CEP97: variants seen among roughly 807,000 people sequenced by gnomAD.
The protein encoded by CEP97 is centrosomal protein 97.
CEP97 carries 43 observed loss-of-function variants against 73.1 expected under a neutral mutation model. That is an observed-to-expected ratio of 0.59 (90% CI 0.46 to 0.76). CEP97 has a LOEUF of 0.76. CEP97 is among the 30% of genes least tolerant of loss of function. The pLI, the probability that CEP97 is intolerant of heterozygous loss-of-function variation, is 0.00. For missense variants in CEP97, 939 were observed against 1,014.0 expected, an observed-to-expected ratio of 0.93 and a Z score of 1.00; for synonymous variants, 337 against 370.0, an observed-to-expected ratio of 0.91 and a Z score of 1.02.
chr3:101,751,360 G>A (rs938049050), intron 6 of CEP97, among the ~76,000 whole-genome samples: 7 of 152,164 alleles, frequency 4.6e-5, no homozygotes, highest in Admixed American at 2.0e-4. Flanking sequence ...GAATAGGTGT[G>A]GTGTGGTGCT....
At chr3:101,746,744 C>G (rs1375600632) in intron 6 of CEP97, among the ~76,000 whole-genome samples, 1 of 152,128 alleles carries the variant, frequency 6.6e-6, no homozygotes, top group African/African-American at 2.4e-5. Flanking sequence ...AACAGGCAAC[C>G]TACAAAATGG....
chr3:101,760,898 T>C lies in CEP97; in HGVS notation c.1818-1587T>C, dbSNP rs186690044. Reference sequence around the variant, plus strand: ...TTTTTTTGAGATGGAGTCTTGCTCTTGTCACCCAGGCTGGAGTGCAATGGT... The same window carrying C: ...TTTTTTTGAGATGGAGTCTTGCTCTCGTCACCCAGGCTGGAGTGCAATGGT... On this transcript the variant is annotated intron_variant, in intron 9 of 10. Coordinates refer to ENST00000341893, the MANE Select transcript of CEP97 (RefSeq NM_024548.4). Among the ~76,000 whole-genome samples, 18 of 152,168 alleles carry C rather than the reference T, an allele frequency of 1.2e-4. 1 individual carries two copies. The East Asian group carries it at 3.5e-3, about 29-fold the overall frequency.
At chr3:101,746,548 A>C (rs1364272731) in intron 6 of CEP97, among the ~76,000 whole-genome samples, 1 of 150,636 alleles carries the variant, frequency 6.6e-6, no homozygotes, top group Non-Finnish European at 1.5e-5. Context: ...TAAAGACTTA[A>C]ACGTTAGACC....
rs1339786910 is a variant in CEP97, at chr3:101,766,908, A to C, written c.*1357A>C. 4 of 152,136 alleles carry C rather than the reference A, an allele frequency of 2.6e-5. No individual in the cohort carries two copies. Among genetic ancestry groups the C allele is most frequent in the African/African-American group, 9.7e-5 (4 of 41,420 alleles). The allele number at this position is 152,136 out of a possible 1,614,324, so 9.4% of individuals were successfully genotyped here. A position where few individuals can be genotyped will look rare whatever the true frequency, so the allele number is the denominator to read the frequency against. Reference sequence around the variant, plus strand: ...AAAAGCATCTGATCCTTCAAGGATAAAGTTGAGGATCACATGGTACGTGGC... The same window carrying C: ...AAAAGCATCTGATCCTTCAAGGATACAGTTGAGGATCACATGGTACGTGGC... On this transcript the variant is annotated 3_prime_UTR_variant, in exon 11 of 11. Transcript: ENST00000341893.
intron 6 of CEP97, among the ~76,000 whole-genome samples, chr3:101,753,365 T>C (rs1189634076): frequency 1.3e-5 from 2 of 152,234 alleles, no homozygotes; most frequent in Non-Finnish European, 2.9e-5. Flanking sequence ...AGGGACCCAC[T>C]TGAGGAGGCA....
At chr3:101,726,379 C>T (rs1937889034) in intron 1 of CEP97, among the ~76,000 whole-genome samples, 1 of 152,156 alleles carries the variant, frequency 6.6e-6, no homozygotes, top group Admixed American at 6.5e-5. Flanking sequence ...TATCACACGT[C>T]TAGTTTTAAT....
At position 101,765,655 on chromosome 3, in the gene CEP97, A is replaced by C. The variant is rs1939299729; in HGVS notation, c.*104A>C. On this transcript the variant is annotated 3_prime_UTR_variant, in exon 11 of 11. Coordinates refer to ENST00000341893, the MANE Select transcript of CEP97 (RefSeq NM_024548.4). The stretch of plus-strand genomic sequence containing the variant: ...AATACTCCCTACCCCTAATTTTGTT[A>C]CTACTTATATAGAATTTGTATTCAT... 1.2e-6 allele frequency: 1 copy of C among 818,462 alleles called. No homozygotes were observed. Among genetic ancestry groups the C allele is most frequent in the African/African-American group, 1.7e-5 (1 of 57,600 alleles). The allele number at this position is 818,462 out of a possible 1,614,324, so 50.7% of individuals were successfully genotyped here.
At chr3:101,749,706 A>T (rs1350164734) in intron 6 of CEP97, among the ~76,000 whole-genome samples, 2 of 147,266 alleles carry the variant, frequency 1.4e-5, no homozygotes. Context: ...GTGAGGTGGT[A>T]TCTCATTGTG....
At chr3:101,743,623 T>C (rs992370875) in intron 6 of CEP97, among the ~76,000 whole-genome samples, 5 of 152,162 alleles carry the variant, frequency 3.3e-5, no homozygotes, top group African/African-American at 1.2e-4. Context: ...CTTGAATTCC[T>C]GGGCTAGAGC....
At chr3:101,736,482 G>A (rs1053507431) in intron 6 of CEP97, among the ~76,000 whole-genome samples, 7 of 152,334 alleles carry the variant, frequency 4.6e-5, no homozygotes, top group African/African-American at 1.7e-4. Flanking sequence ...GCCCCTCTAG[G>A]ATGAAGCTTC....
At chr3:101,725,191 T>C (rs1198297037) in intron 1 of CEP97, among the ~76,000 whole-genome samples, 1 of 152,174 alleles carries the variant, frequency 6.6e-6, no homozygotes, top group Admixed American at 6.5e-5. Flanking sequence ...AGGTGGCCAG[T>C]GGCCGTGATA....
rs1307784418 is a variant in CEP97, at chr3:101,732,557, A to G, written c.631A>G (p.Thr211Ala). Residue 211 changes from threonine to alanine, a missense_variant, in exon 6 of 11, where the codon ACA (threonine) becomes GCA (alanine). Thr to Ala is a moderately conservative substitution (Grantham distance 58, BLOSUM62 0). Transcript: ENST00000341893. The stretch of plus-strand genomic sequence containing the variant: ...TATGAACAATCCTTGTGTGATGGCA[A>G]CACCATCCATCCCAGGATTTGACTA... ...SIMNNPCVMATPSIPGFDYRP... is the reference protein window; with the variant it reads ...SIMNNPCVMAAPSIPGFDYRP... The G allele has an allele frequency of 6.2e-7, 1 of 1,613,436 alleles. No homozygotes were observed. Among genetic ancestry groups the G allele is most frequent in the South Asian group, 1.1e-5 (1 of 91,064 alleles).
chr3:101,740,342 A>G (rs1938410623), intron 6 of CEP97, among the ~76,000 whole-genome samples: 1 of 152,182 alleles, frequency 6.6e-6, no homozygotes. Flanking sequence ...AGAGAGCCTA[A>G]TCATGAGTGA....
intron 6 of CEP97, among the ~76,000 whole-genome samples, chr3:101,754,217 T>C (rs1211123410): frequency 6.6e-6 from 1 of 151,868 alleles, no homozygotes; most frequent in Admixed American, 6.6e-5. Flanking sequence ...TCACTCACTC[T>C]CCCTTCTTCT....
Position 101,766,217 on chromosome 3 carries a change from A to G in CEP97, c.*666A>G, listed in dbSNP as rs1939314905. On this transcript the variant is annotated 3_prime_UTR_variant, in exon 11 of 11. Transcript: ENST00000341893. The stretch of plus-strand genomic sequence containing the variant: ...TTTAACATATGAAGTAAAGTGTTCT[A>G]TCCAGGATTAAAGTCAAGTTTACTT... The G allele has an allele frequency of 6.6e-6, 1 of 152,358 alleles. No homozygotes were observed. The highest frequency in any genetic ancestry group is 2.4e-5 in the African/African-American group (1 of 41,592). The allele number at this position is 152,358 out of a possible 1,614,324, so 9.4% of individuals were successfully genotyped here.
chr3:101,752,863 T>C (rs1339889723), intron 6 of CEP97, among the ~76,000 whole-genome samples: 1 of 152,166 alleles, frequency 6.6e-6, no homozygotes. Context: ...CTCGGAGTAG[T>C]TTGATCTTCT....
intron 6 of CEP97, among the ~76,000 whole-genome samples, chr3:101,746,664 T>C (rs1394304319): frequency 2.0e-5 from 3 of 151,786 alleles, no homozygotes; most frequent in African/African-American, 7.3e-5. Flanking sequence ...CAACAAAAGA[T>C]AAAATTGACA....
chr3:101,764,547 G>T (rs1252242535), intron 10 of CEP97, among the ~76,000 whole-genome samples: 1 of 151,794 alleles, frequency 6.6e-6, no homozygotes, highest in African/African-American at 2.4e-5. Context: ...GGAGGTGGAG[G>T]TTGCGGTAAG....
intron 9 of CEP97, among the ~76,000 whole-genome samples, chr3:101,760,461 T>C (rs1429854583): frequency 2.0e-5 from 3 of 152,288 alleles, no homozygotes; most frequent in East Asian, 3.9e-4. Context: ...TGATTTTTTT[T>C]CCTAGGTGAT....
Sources: allele counts gnomAD v4.1 joint callset (sites outside exome capture counted in the v4.1 genomes callset), GRCh38; gene constraint gnomAD v4.1.1; transcripts MANE v1.5; gene names NCBI Gene and HGNC (gene_info 2026-07-23, HGNC 2026-07-21).